BRINP3: variants seen among roughly 807,000 people sequenced by gnomAD.
BRINP3 encodes BMP/retinoic acid-inducible neural-specific protein 3.
Under a neutral mutation model 71.0 loss-of-function variants are expected in BRINP3, and 19 were observed. That is an observed-to-expected ratio of 0.27 (90% CI 0.19 to 0.39). The LOEUF (loss-of-function observed/expected upper bound fraction) is 0.39, where lower values mean the gene tolerates loss of function less well. BRINP3 is among the 10% of genes least tolerant of loss of function. The pLI is 1.00. For synonymous variants in BRINP3, 380 were observed against 337.7 expected (o/e 1.13, Z -1.37); for missense variants, 959 against 940.8 (o/e 1.02, Z -0.25).
chr1:190,100,545 G>A (rs926651089), intron 7 of BRINP3, among the ~76,000 whole-genome samples: 1 of 151,902 alleles, frequency 6.6e-6, no homozygotes, highest in East Asian at 1.9e-4. Flanking sequence ...TCTTAAGAAG[G>A]GTATTTTTAA....
intron 4 of BRINP3, among the ~76,000 whole-genome samples, chr1:190,255,780 T>C (rs1049280322): frequency 2.6e-5 from 4 of 152,126 alleles, no homozygotes; most frequent in African/African-American, 9.7e-5. Flanking sequence ...CTCTCTCTCC[T>C]TCAGTTCTGC....
At chr1:190,424,372 A>C (rs558714828) in intron 2 of BRINP3, among the ~76,000 whole-genome samples, 1 of 151,846 alleles carries the variant, frequency 6.6e-6, no homozygotes, top group South Asian at 2.1e-4. Context: ...GTCAAGTCTC[A>C]GAAAACAACC....
intron 6 of BRINP3, among the ~76,000 whole-genome samples, chr1:190,208,402 T>C (rs577157175): frequency 3.9e-5 from 6 of 152,242 alleles, no homozygotes; most frequent in Middle Eastern, 6.8e-3. Flanking sequence ...AAAAAGCAGG[T>C]AAGGGTTTTC....
At chr1:190,317,379 A>G (rs1035381123) in intron 2 of BRINP3, among the ~76,000 whole-genome samples, 8 of 151,956 alleles carry the variant, frequency 5.3e-5, no homozygotes, top group Non-Finnish European at 1.2e-4. Flanking sequence ...CTTGTCTTCA[A>G]TTTCATGGTA....
intron 2 of BRINP3, among the ~76,000 whole-genome samples, chr1:190,440,164 A>G (rs2102552319): frequency 6.6e-6 from 1 of 152,122 alleles, no homozygotes; most frequent in South Asian, 2.1e-4. Flanking sequence ...TAAAAATATA[A>G]TCTAAGGAAA....
chr1:190,416,798 G>T (rs868613964), intron 2 of BRINP3, among the ~76,000 whole-genome samples: 3 of 151,972 alleles, frequency 2.0e-5, no homozygotes, highest in East Asian at 1.9e-4. Context: ...TTAATCCCAG[G>T]TTTTGCAGCT....
At chr1:190,449,650 T>C (rs998469699) in intron 2 of BRINP3, among the ~76,000 whole-genome samples, 4 of 152,142 alleles carry the variant, frequency 2.6e-5, no homozygotes, top group African/African-American at 9.7e-5. Context: ...TATCAATATG[T>C]AGATTTTGCT....
chr1:190,201,054 T>C (rs1041601557), intron 6 of BRINP3, among the ~76,000 whole-genome samples: 1 of 151,916 alleles, frequency 6.6e-6, no homozygotes, highest in Non-Finnish European at 1.5e-5. Flanking sequence ...CAGGCATAGG[T>C]TGGAACAGTT....
At chr1:190,472,985 C>A in intron 1 of BRINP3, among the ~76,000 whole-genome samples, 1 of 151,582 alleles carries the variant, frequency 6.6e-6, no homozygotes, top group Non-Finnish European at 1.5e-5. Context: ...GATAAGATAT[C>A]CTATGAGAGG....
At chr1:190,343,990 A>C (rs1217906156) in intron 2 of BRINP3, among the ~76,000 whole-genome samples, 1 of 151,770 alleles carries the variant, frequency 6.6e-6, no homozygotes, top group Non-Finnish European at 1.5e-5. Context: ...CATTATACAC[A>C]ATATCATGAG....
At chr1:190,185,872 G>A (rs1268441437) in intron 6 of BRINP3, among the ~76,000 whole-genome samples, 1 of 151,922 alleles carries the variant, frequency 6.6e-6, no homozygotes, top group African/African-American at 2.4e-5. Flanking sequence ...TCTTTGTGTT[G>A]GGAATATTCA....
At chr1:190,101,151 G>A (rs1651667556) in intron 7 of BRINP3, among the ~76,000 whole-genome samples, 1 of 152,032 alleles carries the variant, frequency 6.6e-6, no homozygotes, top group Admixed American at 6.6e-5. Flanking sequence ...TATAATTACC[G>A]AGTCTGTGAT....
chr1:190,157,593 G>A (rs1408948115), intron 7 of BRINP3, among the ~76,000 whole-genome samples: 4 of 151,976 alleles, frequency 2.6e-5, no homozygotes, highest in Admixed American at 6.6e-5. Context: ...GTAAAATAAT[G>A]TATTACATGG....
At chr1:190,382,533 G>A (rs1040983228) in intron 2 of BRINP3, among the ~76,000 whole-genome samples, 6 of 152,142 alleles carry the variant, frequency 3.9e-5, no homozygotes, top group African/African-American at 1.4e-4. Context: ...ATTTAAAGGT[G>A]AGGAAAACGG....
At chr1:190,174,244 A>G (rs1488247746) in intron 6 of BRINP3, among the ~76,000 whole-genome samples, 1 of 152,168 alleles carries the variant, frequency 6.6e-6, no homozygotes, top group East Asian at 1.9e-4. Context: ...TTAGCTTCAA[A>G]GTGATAACAT....
intron 2 of BRINP3, among the ~76,000 whole-genome samples, chr1:190,365,679 C>T (rs867816184): frequency 1.5e-5 from 2 of 130,718 alleles, no homozygotes; most frequent in African/African-American, 2.7e-5. Flanking sequence ...TAATATAATA[C>T]AATATAATAC....
In BRINP3 at chr1:190,453,889, C is replaced by T. The variant is rs577173775; in HGVS notation, c.236+766G>A. On this transcript the variant is annotated intron_variant, in intron 2 of 7. Coordinates refer to ENST00000367462, the MANE Select transcript of BRINP3 (RefSeq NM_199051.3). ...TTAACTAGGAATTGTAAAAGTCTAT[C>T]ACCAATAAACAAATTGAAGTGATAG... is the stretch of plus-strand genomic sequence containing the variant. 2.6e-5 allele frequency among the ~76,000 whole-genome samples: 4 copies of T among 152,274 alleles called. 1 individual carries two copies. In the South Asian group the frequency reaches 8.3e-4, roughly 32 times the overall value.
intron 6 of BRINP3, among the ~76,000 whole-genome samples, chr1:190,199,699 C>G (rs1654816447): frequency 7.2e-6 from 1 of 138,936 alleles, no homozygotes; most frequent in African/African-American, 2.7e-5. Flanking sequence ...GAAGTCAAAA[C>G]AAAGAAAAGT....
At chr1:190,278,435 G>C (rs74972777) in intron 3 of BRINP3, among the ~76,000 whole-genome samples, 1 of 151,468 alleles carries the variant, frequency 6.6e-6, no homozygotes, top group African/African-American at 2.4e-5. Flanking sequence ...AAGGTTAAAT[G>C]ATAAACTCAC....
Sources: allele counts gnomAD v4.1 joint callset (sites outside exome capture counted in the v4.1 genomes callset), GRCh38; gene constraint gnomAD v4.1.1; transcripts MANE v1.5; gene names NCBI Gene and HGNC (gene_info 2026-07-23, HGNC 2026-07-21).